GSE1: variants seen among roughly 807,000 people sequenced by gnomAD.
The protein encoded by GSE1 is Gse1 coiled-coil protein, also known as genetic suppressor element 1.
In GSE1, 32 loss-of-function variants were observed where a neutral mutation model predicts 112.6. The ratio of observed to expected loss-of-function variants is 0.28; its 90% CI spans 0.21 to 0.38. The LOEUF is 0.38. Among genes scored for constraint, GSE1 ranks in the 10% least tolerant of loss-of-function variants. The pLI, the probability that GSE1 is intolerant of heterozygous loss-of-function variation, is 1.00. For synonymous variants in GSE1, 1,115 were observed against 735.6 expected (o/e 1.52, Z -8.35); for missense variants, 2,348 against 1,699.2 (o/e 1.38, Z -6.71).
intron 2 of GSE1, among the ~76,000 whole-genome samples, chr16:85,459,269 G>T (rs2049912739): frequency 6.6e-6 from 1 of 152,186 alleles, no homozygotes; most frequent in Non-Finnish European, 1.5e-5. Flanking sequence ...AGGAGTTGTG[G>T]GTGCCCCTCC....
intron 3 of GSE1, among the ~76,000 whole-genome samples, chr16:85,653,396 CGT>C (rs1223486543): frequency 6.9e-6 from 1 of 145,270 alleles, no homozygotes; most frequent in East Asian, 2.1e-4. Context: ...CTGGACCCTG[CGT>C]GTGTGCGGGG....
chr16:85,371,691 C>T (rs1045711692), intron 2 of GSE1, among the ~76,000 whole-genome samples: 3 of 152,196 alleles, frequency 2.0e-5, no homozygotes, highest in Non-Finnish European at 2.9e-5. Flanking sequence ...CAGAGCCTGG[C>T]ACCAGACACC....
At chr16:85,288,884 A>T (rs1226070017) in intron 1 of GSE1, among the ~76,000 whole-genome samples, 1 of 152,174 alleles carries the variant, frequency 6.6e-6, no homozygotes, top group Non-Finnish European at 1.5e-5. Flanking sequence ...CTCTTTGCCA[A>T]CTGAGACAGG....
chr16:85,199,346 A>G (rs1203986535), intron 1 of GSE1, among the ~76,000 whole-genome samples: 2 of 152,232 alleles, frequency 1.3e-5, no homozygotes, highest in South Asian at 4.2e-4. Context: ...TCAGCCTCCC[A>G]AAGTGTGGAG....
chr16:85,233,444 G>A (rs1299652260), intron 1 of GSE1, among the ~76,000 whole-genome samples: 2 of 152,234 alleles, frequency 1.3e-5, no homozygotes, highest in Non-Finnish European at 1.5e-5. Flanking sequence ...AACAGTTCCA[G>A]GGCCCCGTTC....
chr16:85,514,386 C>A (rs1283793338), intron 2 of GSE1, among the ~76,000 whole-genome samples: 1 of 149,776 alleles, frequency 6.7e-6, no homozygotes, highest in Non-Finnish European at 1.5e-5. Flanking sequence ...TCCTTTGCAC[C>A]CTCTGAGTCC....
intron 2 of GSE1, among the ~76,000 whole-genome samples, chr16:85,411,129 A>G (rs1167413724): frequency 1.4e-4 from 12 of 86,448 alleles, no homozygotes; most frequent in Middle Eastern, 8.3e-3. Context: ...GATAATCCTC[A>G]CCGTTACACT....
chr16:85,414,154 C>T (rs1053309415), intron 2 of GSE1, among the ~76,000 whole-genome samples: 3 of 152,318 alleles, frequency 2.0e-5, no homozygotes, highest in East Asian at 1.9e-4. Flanking sequence ...CATGGGCCCA[C>T]GCTCCCCTTC....
chr16:85,664,981 C>A (rs1271761799), intron 11 of GSE1, 34 bp from the exon 12 acceptor site: 2 of 1,327,018 alleles, frequency 1.5e-6, no homozygotes, highest in Non-Finnish European at 2.2e-6. Flanking sequence ...AATGATGCAA[C>A]TGGCTCGTTA....
At chr16:85,426,199 CTGGATGGA>C (rs146456524) in intron 2 of GSE1, among the ~76,000 whole-genome samples, 7 of 138,102 alleles carry the variant, frequency 5.1e-5, no homozygotes, top group Admixed American at 7.2e-5. Flanking sequence ...AGATGGATGG[CTGGATGGA>C]TGGATGGATG....
intron 1 of GSE1, among the ~76,000 whole-genome samples, chr16:85,566,312 C>G (rs7197488): frequency 0.22 from 33,447 of 152,188 alleles, 5,012 homozygotes; most frequent in African/African-American, 0.43. Context: ...GAAGCCCAGA[C>G]TCCTGAAATG....
chr16:85,343,743 T>C (rs2046673035), intron 1 of GSE1, among the ~76,000 whole-genome samples: 1 of 152,138 alleles, frequency 6.6e-6, no homozygotes, highest in Admixed American at 6.5e-5. Context: ...AGTGAGATCC[T>C]GACTCAAAAA....
At chr16:85,358,492 G>A (rs1346645914) in intron 2 of GSE1, among the ~76,000 whole-genome samples, 1 of 152,102 alleles carries the variant, frequency 6.6e-6, no homozygotes, top group Admixed American at 6.6e-5. Context: ...CGCCCCTGGT[G>A]CCAACCACAG....
intron 7 of GSE1, 143 bp from the exon 8 acceptor site, chr16:85,657,134 C>A: frequency 1.7e-6 from 1 of 578,912 alleles, no homozygotes; most frequent in Non-Finnish European, 2.9e-6. Flanking sequence ...CGTAGGGCCC[C>A]TTCTGAATAT....
rs529047859 is a variant in GSE1 at position 85,380,704 on chromosome 16, C to A, written c.2464+23061C>A. ...GGCTCCATTTGGCGTGGCCCCGGACCTAATTAGATCTAATTAATACTCACT... is the reference window on the plus strand; with the variant it reads ...GGCTCCATTTGGCGTGGCCCCGGACATAATTAGATCTAATTAATACTCACT... On this transcript the variant is annotated intron_variant, in intron 2 of 2. Transcript: ENST00000637419. Among the ~76,000 whole-genome samples, 12 of 152,262 alleles carry A rather than the reference C, an allele frequency of 7.9e-5. No homozygotes were observed. In the South Asian group the frequency reaches 2.3e-3, roughly 29 times the overall value.
intron 1 of GSE1, among the ~76,000 whole-genome samples, chr16:85,197,854 G>A (rs750107124): frequency 6.6e-6 from 1 of 152,162 alleles, no homozygotes; most frequent in Non-Finnish European, 1.5e-5. Context: ...GGGTAGCACC[G>A]CCAGCCCAGG....
At chr16:85,421,832 G>C (rs1049887150) in intron 2 of GSE1, among the ~76,000 whole-genome samples, 1 of 152,036 alleles carries the variant, frequency 6.6e-6, no homozygotes, top group Non-Finnish European at 1.5e-5. Flanking sequence ...TTGTATTTTT[G>C]GGGGGAATGG....
chr16:85,341,018 T>G (rs1404884288), intron 1 of GSE1, among the ~76,000 whole-genome samples: 1 of 152,228 alleles, frequency 6.6e-6, no homozygotes, highest in Non-Finnish European at 1.5e-5. Flanking sequence ...TGGAAAGTAT[T>G]TAAAACAGAG....
chr16:85,649,999 T>C (rs2151884181), intron 3 of GSE1, among the ~76,000 whole-genome samples: 1 of 152,308 alleles, frequency 6.6e-6, no homozygotes, highest in East Asian at 1.9e-4. Flanking sequence ...CCCCGGGGCC[T>C]GACGTTGCCT....
Sources: allele counts gnomAD v4.1 joint callset (sites outside exome capture counted in the v4.1 genomes callset), GRCh38; gene constraint gnomAD v4.1.1; transcripts MANE v1.5; gene names NCBI Gene and HGNC (gene_info 2026-07-23, HGNC 2026-07-21).